The following ANKRD44 variants were observed in gnomAD, a reference collection of about 807,000 sequenced individuals.
The protein encoded by ANKRD44 is ankyrin repeat domain 44, also known as serine/threonine-protein phosphatase 6 regulatory ankyrin repeat subunit B.
In ANKRD44, 35 loss-of-function variants were observed where a neutral mutation model predicts 116.0. That is an observed-to-expected ratio of 0.30 (90% CI 0.23 to 0.40). The LOEUF (loss-of-function observed/expected upper bound fraction) is 0.40. Ranked by LOEUF, ANKRD44 falls within the 10% of genes least tolerant of loss-of-function variation. ANKRD44 has a pLI of 1.00. For missense variants in ANKRD44, 1,014 were observed against 1,242.6 expected, an observed-to-expected ratio of 0.82 and a Z score of 2.77; for synonymous variants, 435 against 461.8, an observed-to-expected ratio of 0.94 and a Z score of 0.74.
At chr2:197,104,322 T>C (rs912952413) in intron 9 of ANKRD44, among the ~76,000 whole-genome samples, 1 of 152,188 alleles carries the variant, frequency 6.6e-6, no homozygotes, top group Non-Finnish European at 1.5e-5. Context: ...GGTTTTGCCA[T>C]GTTGGCCAGG....
intron 16 of ANKRD44, among the ~76,000 whole-genome samples, chr2:197,070,505 C>A (rs905874684): frequency 6.6e-6 from 1 of 152,110 alleles, no homozygotes; most frequent in African/African-American, 2.4e-5. Flanking sequence ...TGATATAAAT[C>A]TGATTTTTCT....
chr2:197,153,225 C>CAAAAAAAAAAAAAAA (rs75600123), intron 2 of ANKRD44, among the ~76,000 whole-genome samples: 5 of 69,336 alleles, frequency 7.2e-5, no homozygotes, highest in African/African-American at 1.2e-4. Context: ...AAGACCCTGC[C>CAAAAAAAAAAAAAAA]AAAAAAAAAA....
Position 197,055,753 on chromosome 2 carries a change from T to C in ANKRD44, c.1650+22950A>G, listed in dbSNP as rs888883356. Among the ~76,000 whole-genome samples, 19 of 152,130 alleles carry C rather than the reference T, an allele frequency of 1.2e-4. No homozygotes were observed. The South Asian group carries it at 2.5e-3, about 20-fold the overall frequency. ...AGGATACCACATATGTGTGGATCCA[T>C]TTTTCAACTCCCTATTCTGTTCTTT... On this transcript the variant is annotated intron_variant, in intron 16 of 27. Transcript: ENST00000282272.
intron 1 of ANKRD44, among the ~76,000 whole-genome samples, chr2:197,206,189 C>T (rs1162858240): frequency 6.6e-6 from 1 of 152,196 alleles, no homozygotes; most frequent in Non-Finnish European, 1.5e-5. Flanking sequence ...GGTGGCACGA[C>T]AGAAGATGTG....
intron 16 of ANKRD44, among the ~76,000 whole-genome samples, chr2:197,065,128 TA>T (rs2077403139): frequency 6.6e-6 from 1 of 152,162 alleles, no homozygotes; most frequent in Admixed American, 6.5e-5. Context: ...GCAATCAAAC[TA>T]GGACTCAGGA....
intron 1 of ANKRD44, among the ~76,000 whole-genome samples, chr2:197,192,410 T>C (rs1281950308): frequency 1.3e-5 from 2 of 152,138 alleles, no homozygotes; most frequent in East Asian, 3.8e-4. Flanking sequence ...CAGAAATGGG[T>C]GTTGGGAATC....
At chr2:197,100,054 G>A (rs986738490) in intron 9 of ANKRD44, 124 bp from the exon 10 acceptor site, 7 of 839,254 alleles carry the variant, frequency 8.3e-6, no homozygotes, top group Non-Finnish European at 1.3e-5. Context: ...GTGCATCTTT[G>A]CTCCGAAATA....
At chr2:197,117,496 C>T (rs1026060905) in intron 8 of ANKRD44, among the ~76,000 whole-genome samples, 1 of 152,174 alleles carries the variant, frequency 6.6e-6, no homozygotes, top group Non-Finnish European at 1.5e-5. Flanking sequence ...CCTTGGCCTC[C>T]CAAAGTGCTC....
chr2:197,244,604 G>T (rs146342806), intron 1 of ANKRD44, among the ~76,000 whole-genome samples: 71 of 152,302 alleles, frequency 4.7e-4, no homozygotes, highest in African/African-American at 1.5e-3. Flanking sequence ...TGAAACTGTT[G>T]CAGGGGAGAT....
intron 8 of ANKRD44, among the ~76,000 whole-genome samples, chr2:197,113,035 G>A (rs1482637443): frequency 6.6e-6 from 1 of 151,910 alleles, no homozygotes; most frequent in Non-Finnish European, 1.5e-5. Context: ...AGGTAGATGT[G>A]GGAAGAAAAG....
intron 3 of ANKRD44, among the ~76,000 whole-genome samples, chr2:197,143,989 C>G (rs112052106): frequency 6.6e-6 from 1 of 152,094 alleles, no homozygotes; most frequent in Non-Finnish European, 1.5e-5. Flanking sequence ...TATCTCAACC[C>G]CAGTATCTTA....
intron 21 of ANKRD44, among the ~76,000 whole-genome samples, chr2:196,971,499 G>A (rs939666158): frequency 1.5e-4 from 23 of 152,072 alleles, no homozygotes; most frequent in African/African-American, 4.3e-4. Flanking sequence ...TGGGAGTACC[G>A]GCATGTGCCA....
intron 1 of ANKRD44, among the ~76,000 whole-genome samples, chr2:197,298,325 A>G (rs548356373): frequency 2.6e-5 from 4 of 152,218 alleles, no homozygotes; most frequent in Admixed American, 6.5e-5. Flanking sequence ...GGTCTTCCTA[A>G]AAGCACACAA....
chr2:196,977,997 T>C (rs1001693867), intron 21 of ANKRD44, among the ~76,000 whole-genome samples: 1 of 152,150 alleles, frequency 6.6e-6, no homozygotes, highest in Non-Finnish European at 1.5e-5. Flanking sequence ...AAACAAAATG[T>C]GGTATATCCA....
chr2:197,282,585 G>C (rs1294751395), intron 1 of ANKRD44, among the ~76,000 whole-genome samples: 2 of 152,194 alleles, frequency 1.3e-5, no homozygotes, highest in African/African-American at 4.8e-5. Context: ...AAACAGAGAA[G>C]ATGCTTGAAG....
At chr2:197,007,945 G>T in intron 19 of ANKRD44, 22 bp from the exon 20 acceptor site, 1 of 1,561,432 alleles carries the variant, frequency 6.4e-7, no homozygotes, top group Non-Finnish European at 8.8e-7. Flanking sequence ...GATAAAGCAG[G>T]CTTTTAAAAA....
At position 197,212,111 on chromosome 2, in the gene ANKRD44, T is replaced by C. The variant is rs910219556; in HGVS notation, c.28-25005A>G. ...CACTTTGGGGGAAGGAGAGGAGATA[T>C]TGCAGAGCTAGAGTTTTGGAACTGG... On this transcript the variant is annotated intron_variant, in intron 1 of 27. Transcript: ENST00000282272. The surrounding 1 kb of genome is among the most constrained non-coding windows in gnomAD (Gnocchi z 4.8). Among the ~76,000 whole-genome samples the C allele has an allele frequency of 2.6e-5, 4 of 151,938 alleles. No homozygotes were observed. The highest frequency in any genetic ancestry group is 4.8e-5 in the African/African-American group (2 of 41,352).
rs1559122763 is a variant in ANKRD44 at position 197,171,996 on chromosome 2, C to CTTTTTTTTTTTT, written c.111+15026_111+15027insAAAAAAAAAAAA. 6.8e-5 allele frequency among the ~76,000 whole-genome samples: 2 copies of CTTTTTTTTTTTT among 29,318 alleles called. 1 individual carries two copies. The highest frequency in any genetic ancestry group is 2.8e-4 in the Non-Finnish European group (2 of 7,034). The allele number at this position is 29,318 out of a possible 152,430, so 19.2% of individuals were successfully genotyped here. Reference sequence around the variant, plus strand: ...TATTATTACCATGTCCGTTATTTTTCTTCTTTTTTTTTTTTTTTTTTGAGA... The same window carrying CTTTTTTTTTTTT: ...TATTATTACCATGTCCGTTATTTTTCTTTTTTTTTTTTTTCTTTTTTTTTTTTTTTTTTGAGA... On this transcript the variant is annotated intron_variant, in intron 2 of 27. Coordinates refer to ENST00000282272, the MANE Select transcript of ANKRD44 (RefSeq NM_001195144.2).
intron 21 of ANKRD44, chr2:196,967,552 A>C (rs1050349527): frequency 4.9e-6 from 2 of 405,468 alleles, no homozygotes; most frequent in South Asian, 1.7e-5. Flanking sequence ...ATTTTCTCAA[A>C]ATGGGGGATG....
Sources: allele counts gnomAD v4.1 joint callset (sites outside exome capture counted in the v4.1 genomes callset), GRCh38; gene constraint gnomAD v4.1.1; non-coding constraint Gnocchi (gnomAD v3.1); transcripts MANE v1.5; gene names NCBI Gene and HGNC (gene_info 2026-07-23, HGNC 2026-07-21).